TP63: variants seen among roughly 807,000 people sequenced by gnomAD.
The protein encoded by TP63 is tumor protein 63.
A neutral mutation model predicts 82.8 loss-of-function variants in TP63; 17 were observed. The ratio of observed to expected loss-of-function variants is 0.21; its 90% CI spans 0.14 to 0.31. The LOEUF is 0.31. Ranked by LOEUF, TP63 falls within the 10% of genes least tolerant of loss-of-function variation. The pLI, the probability that TP63 is intolerant of heterozygous loss-of-function variation, is 1.00. For synonymous variants in TP63, 330 were observed against 321.7 expected (o/e 1.03, Z -0.28); for missense variants, 648 against 895.3 (o/e 0.72, Z 3.52).
At chr3:189,815,053 ATTC>A (rs1293747929) in intron 4 of TP63, among the ~76,000 whole-genome samples, 2 of 151,682 alleles carry the variant, frequency 1.3e-5, no homozygotes, top group Non-Finnish European at 2.9e-5. Flanking sequence ...CTTTCTCCCT[ATTC>A]TTCTCCTCTT....
At chr3:189,653,991 A>G (rs1264584285) in intron 1 of TP63, among the ~76,000 whole-genome samples, 2 of 152,180 alleles carry the variant, frequency 1.3e-5, no homozygotes, top group Non-Finnish European at 2.9e-5. Flanking sequence ...ATCTTCCACT[A>G]TGGCTGAAGA....
At chr3:189,892,867 G>A (rs1721161195) in intron 13 of TP63, among the ~76,000 whole-genome samples, 1 of 152,158 alleles carries the variant, frequency 6.6e-6, no homozygotes, top group East Asian at 1.9e-4. Context: ...GCTACAGTAA[G>A]AGATTAGGAA....
At chr3:189,819,747 C>CTTTTTTTTTT (rs367763002) in intron 4 of TP63, among the ~76,000 whole-genome samples, 1 of 89,856 alleles carries the variant, frequency 1.1e-5, no homozygotes, top group African/African-American at 4.1e-5. Flanking sequence ...TATATTTTAC[C>CTTTTTTTTTT]TTTTTTTTTT....
chr3:189,619,295 G>A, the TP63 span, among the ~76,000 whole-genome samples: 1 of 152,206 alleles, frequency 6.6e-6, no homozygotes, highest in African/African-American at 2.4e-5. Context: ...ATGTCTTTCA[G>A]TGTGAGGGAA....
intron 3 of TP63, among the ~76,000 whole-genome samples, chr3:189,792,992 G>A (rs1200895045): frequency 3.3e-5 from 5 of 152,032 alleles, no homozygotes; most frequent in African/African-American, 1.2e-4. Context: ...GTATTAAGCT[G>A]TCCCATGTTG....
chr3:189,658,437 AAAG>A (rs1385540346), intron 1 of TP63, among the ~76,000 whole-genome samples: 6 of 152,130 alleles, frequency 3.9e-5, no homozygotes, highest in Non-Finnish European at 5.9e-5. Flanking sequence ...AGGGGAAAAA[AAAG>A]AAGAACTTAA....
chr3:189,729,764 C>T (rs1456937036), intron 1 of TP63, among the ~76,000 whole-genome samples: 8 of 152,022 alleles, frequency 5.3e-5, no homozygotes, highest in African/African-American at 1.4e-4. Context: ...TGCTAATGGG[C>T]TTAATTTAGA....
chr3:189,620,686 G>A, the TP63 span, among the ~76,000 whole-genome samples: 4 of 152,118 alleles, frequency 2.6e-5, no homozygotes, highest in Non-Finnish European at 4.4e-5. Context: ...CTGCCAGCAC[G>A]GGCCTTGTTT....
intron 1 of TP63, among the ~76,000 whole-genome samples, chr3:189,653,855 G>A (rs1238835287): frequency 6.6e-6 from 1 of 152,100 alleles, no homozygotes; most frequent in African/African-American, 2.4e-5. Flanking sequence ...ATATGTTTAA[G>A]GGATTAAATC....
In TP63 at chr3:189,832,901, TC is replaced by T. The variant is rs574819850; in HGVS notation, c.579+24377del. ...GAGTGATCCTTGGATGCAGAGCACT[TC>T]CTACTAGTATTCTGACTTTTACTAT... On this transcript the variant is annotated intron_variant, in intron 4 of 13. Transcript: ENST00000264731. 6.4e-4 allele frequency among the ~76,000 whole-genome samples: 97 copies of T among 152,348 alleles called. No homozygotes were observed. The Middle Eastern group carries it at 0.01, about 16-fold the overall frequency.
intron 3 of TP63, among the ~76,000 whole-genome samples, chr3:189,806,040 C>CTT (rs34836784): frequency 0.029 from 1,490 of 52,054 alleles, 332 homozygotes; most frequent in African/African-American, 0.078. Flanking sequence ...GAAGCAAACA[C>CTT]TTTTTTTTTT....
chr3:189,860,451 A>G (rs1414187213), intron 4 of TP63, among the ~76,000 whole-genome samples: 1 of 152,190 alleles, frequency 6.6e-6, no homozygotes, highest in East Asian at 1.9e-4. Context: ...GGGAGACTGA[A>G]CTTAGTACTG....
chr3:189,830,689 A>G (rs1454836551), intron 4 of TP63, among the ~76,000 whole-genome samples: 1 of 152,218 alleles, frequency 6.6e-6, no homozygotes, highest in East Asian at 1.9e-4. Context: ...CCATTTAGAA[A>G]TGTATAGTCT....
intron 3 of TP63, chr3:189,789,537 G>A: frequency 4.2e-6 from 2 of 476,168 alleles, no homozygotes; most frequent in East Asian, 8.2e-5. Flanking sequence ...AGATGGGAGA[G>A]GCCTCACTCC....
At chr3:189,832,681 A>G (rs1364812398) in intron 4 of TP63, among the ~76,000 whole-genome samples, 3 of 152,218 alleles carry the variant, frequency 2.0e-5, no homozygotes, top group South Asian at 2.1e-4. Context: ...TAAAACTGGT[A>G]GTTAATATAT....
chr3:189,635,429 T>C (rs1443850601), intron 1 of TP63, among the ~76,000 whole-genome samples: 3 of 152,118 alleles, frequency 2.0e-5, no homozygotes, highest in Non-Finnish European at 4.4e-5. Flanking sequence ...ATCTGCTCTT[T>C]TTCTTTCTCA....
intron 1 of TP63, among the ~76,000 whole-genome samples, chr3:189,693,599 G>T (rs947313311): frequency 5.3e-5 from 8 of 152,150 alleles, no homozygotes; most frequent in African/African-American, 1.4e-4. Context: ...GGATGGGGAC[G>T]ATTATTCTGA....
At chr3:189,750,839 T>A (rs567450638) in intron 3 of TP63, among the ~76,000 whole-genome samples, 1 of 152,350 alleles carries the variant, frequency 6.6e-6, no homozygotes, top group East Asian at 1.9e-4. Context: ...TTTATTATAC[T>A]TTAAGTTCTA....
At chr3:189,854,725 G>T (rs143977163) in intron 4 of TP63, among the ~76,000 whole-genome samples, 16 of 152,268 alleles carry the variant, frequency 1.1e-4, no homozygotes, top group African/African-American at 3.6e-4. Context: ...TATGTTCATG[G>T]AAAAGTAAAA....
Sources: gnomAD v4.1 joint callset for allele counts (sites outside exome capture counted in the v4.1 genomes callset) on GRCh38, gnomAD v4.1.1 for gene constraint, MANE v1.5 for transcripts, NCBI Gene and HGNC (gene_info 2026-07-23, HGNC 2026-07-21) for gene names.